The following GLYATL2 variants were observed in gnomAD, a reference collection of about 807,000 sequenced individuals.
The protein encoded by GLYATL2 is glycine N-acyltransferase-like protein 2.
Under a neutral mutation model 21.4 loss-of-function variants are expected in GLYATL2, and 25 were observed. The ratio of observed to expected loss-of-function variants is 1.17; its 90% CI spans 0.85 to 1.63. The LOEUF (loss-of-function observed/expected upper bound fraction) is 1.63, where lower values mean the gene tolerates loss of function less well. Among genes scored for constraint, GLYATL2 ranks in the 40% most tolerant of loss-of-function variants. GLYATL2 has a pLI of 0.00. For missense variants in GLYATL2, 361 were observed against 343.3 expected, an observed-to-expected ratio of 1.05 and a Z score of -0.41; for synonymous variants, 114 against 118.2, an observed-to-expected ratio of 0.96 and a Z score of 0.23.
At chr11:58,839,493 A>G in intron 2 of GLYATL2, 42 bp downstream of exon 2, 2 of 1,303,956 alleles carry the variant, frequency 1.5e-6, no homozygotes, top group Non-Finnish European at 1.1e-6. Flanking sequence ...CCTCCTCTCA[A>G]CTCAACCCTC....
chr11:58,877,189 C>A (rs1419711623), intron 1 of GLYATL2, among the ~76,000 whole-genome samples: 1 of 152,218 alleles, frequency 6.6e-6, no homozygotes, highest in African/African-American at 2.4e-5. Flanking sequence ...CATCTGTCAC[C>A]CCTTTCTTTG....
chr11:58,863,096 G>C (rs1303269146), intron 1 of GLYATL2, among the ~76,000 whole-genome samples: 2 of 149,756 alleles, frequency 1.3e-5, no homozygotes, highest in Non-Finnish European at 3.0e-5. Flanking sequence ...TCTGTAGAGT[G>C]GGGCCTAAAT....
In GLYATL2 at chr11:58,844,599, G is replaced by T. The variant is rs1853610479; in HGVS notation, c.-206C>A. The stretch of plus-strand genomic sequence containing the variant: ...AAGCTTCAGGAAGTTATGGGTTCCT[G>T]TAGATTAAACCAGACGTTCTGTCCA... On this transcript the variant is annotated 5_prime_UTR_variant, in exon 1 of 6. An upstream open reading frame in the 5' UTR gains an earlier in-frame stop. Coordinates refer to ENST00000287275, the MANE Select transcript of GLYATL2 (RefSeq NM_145016.4). 6.6e-6 allele frequency: 1 copy of T among 152,218 alleles called. No individual in the cohort carries two copies. The highest frequency in any genetic ancestry group is 2.4e-5 in the African/African-American group (1 of 41,462). The allele number at this position is 152,218 out of a possible 1,614,324, so 9.4% of individuals were successfully genotyped here.
chr11:58,853,843 A>C (rs1853782856), intron 1 of GLYATL2, among the ~76,000 whole-genome samples: 1 of 152,174 alleles, frequency 6.6e-6, no homozygotes, highest in South Asian at 2.1e-4. Flanking sequence ...GTATTCTAAT[A>C]ACAATTTTCA....
At chr11:58,880,663 T>C (rs1174551014) in intron 1 of GLYATL2, among the ~76,000 whole-genome samples, 3 of 152,248 alleles carry the variant, frequency 2.0e-5, no homozygotes, top group Admixed American at 6.5e-5. Context: ...GGTTTTTTGT[T>C]TGTTTGTTTG....
intron 1 of GLYATL2, among the ~76,000 whole-genome samples, chr11:58,853,417 A>G (rs1853775341): frequency 2.6e-5 from 4 of 152,190 alleles, no homozygotes; most frequent in Admixed American, 2.6e-4. Flanking sequence ...TCCTATCTGC[A>G]GGTTCCACAG....
At chr11:58,850,560 G>A (rs1045471723) in intron 1 of GLYATL2, among the ~76,000 whole-genome samples, 2 of 152,124 alleles carry the variant, frequency 1.3e-5, no homozygotes, top group African/African-American at 4.8e-5. Context: ...GAAGGGGCAT[G>A]GTGAGAAGTG....
At chr11:58,848,505 T>G (rs1285274645), upstream of GLYATL2, among the ~76,000 whole-genome samples, 3 of 152,066 alleles carry the variant, frequency 2.0e-5, no homozygotes, top group East Asian at 3.9e-4. Context: ...ACAGACAGAT[T>G]GAAATAGTTA....
intron 1 of GLYATL2, among the ~76,000 whole-genome samples, chr11:58,855,046 G>A (rs1853804592): frequency 6.6e-6 from 1 of 152,132 alleles, no homozygotes; most frequent in Admixed American, 6.5e-5. Context: ...AAAGTTATCT[G>A]CAAGGATTGG....
At chr11:58,850,352 G>T (rs1853717475) in intron 1 of GLYATL2, among the ~76,000 whole-genome samples, 1 of 152,080 alleles carries the variant, frequency 6.6e-6, no homozygotes, top group South Asian at 2.1e-4. Context: ...TGAGGCAAGA[G>T]ACCGAGGGCA....
intron 1 of GLYATL2, among the ~76,000 whole-genome samples, chr11:58,883,920 A>C (rs1248028642): frequency 6.6e-6 from 1 of 152,222 alleles, no homozygotes; most frequent in Non-Finnish European, 1.5e-5. Context: ...AACATGCACA[A>C]ATCAATAAAC....
intron 1 of GLYATL2, among the ~76,000 whole-genome samples, chr11:58,872,475 A>G (rs1854141726): frequency 6.6e-6 from 1 of 152,250 alleles, no homozygotes; most frequent in African/African-American, 2.4e-5. Flanking sequence ...GGTGTAAGGA[A>G]GAGATCCAGT....
At chr11:58,882,111 G>A (rs1315452886) in intron 1 of GLYATL2, among the ~76,000 whole-genome samples, 1 of 152,194 alleles carries the variant, frequency 6.6e-6, no homozygotes, top group Admixed American at 6.5e-5. Flanking sequence ...TGGGATCGCT[G>A]AGTCAAATGG....
intron 1 of GLYATL2, among the ~76,000 whole-genome samples, chr11:58,883,100 T>C (rs537358386): frequency 6.6e-6 from 1 of 152,234 alleles, no homozygotes; most frequent in Non-Finnish European, 1.5e-5. Context: ...AAAAAGTCAT[T>C]GATAGCTTTA....
chr11:58,851,983 T>A (rs574568411), intron 1 of GLYATL2, among the ~76,000 whole-genome samples: 78 of 152,230 alleles, frequency 5.1e-4, no homozygotes, highest in Non-Finnish European at 9.6e-4. Context: ...TGAGAAAGAG[T>A]GAGAAGGCTG....
chr11:58,900,017 G>T (rs573269687), intron 1 of GLYATL2, among the ~76,000 whole-genome samples: 1 of 151,900 alleles, frequency 6.6e-6, no homozygotes, highest in South Asian at 2.1e-4. Context: ...ATTTTGGGGG[G>T]TGGGGGGAGA....
intron 1 of GLYATL2, among the ~76,000 whole-genome samples, chr11:58,898,601 G>C (rs968695409): frequency 6.6e-6 from 1 of 151,772 alleles, no homozygotes; most frequent in African/African-American, 2.4e-5. Flanking sequence ...TTCGGAGACC[G>C]AGGCGGGCAG....
At chr11:58,884,434 CCAAATAATGAGTGAACTCCCATTCA>C (rs1266824677) in intron 1 of GLYATL2, among the ~76,000 whole-genome samples, 3 of 152,028 alleles carry the variant, frequency 2.0e-5, no homozygotes, top group Non-Finnish European at 4.4e-5. Context: ...AAACAGAGAG[CCAAATAATGAGTGAACTCCCATTCA>C]CAATTGCTTC....
rs1022360752 is a variant in GLYATL2 at position 58,867,350 on chromosome 11, G to A, written n.61-28982C>T. On this transcript the variant is annotated intron_variant and non_coding_transcript_variant, in intron 1 of 4. Transcript: ENST00000533636. ...TAATTCAGGGTGGACTCTTGGCAGC[G>A]TGTAATTTATGGTGAATATGTTCTC... Among the ~76,000 whole-genome samples the A allele has an allele frequency of 7.4e-5, 11 of 149,012 alleles. 1 individual carries two copies. The highest frequency in any genetic ancestry group is 4.4e-4 in the East Asian group (2 of 4,514).
Sources: allele counts gnomAD v4.1 joint callset (sites outside exome capture counted in the v4.1 genomes callset), GRCh38; gene constraint gnomAD v4.1.1; transcripts MANE v1.5; gene names NCBI Gene and HGNC (gene_info 2026-07-23, HGNC 2026-07-21).